Variants in KCNK10 observed in about 807,000 individuals in gnomAD.
KCNK10 encodes the protein potassium two pore domain channel subfamily K member 10.
Under a neutral mutation model 47.7 loss-of-function variants are expected in KCNK10, and 25 were observed. The ratio of observed to expected loss-of-function variants is 0.52; its 90% CI spans 0.38 to 0.73. The LOEUF (loss-of-function observed/expected upper bound fraction) is 0.73. KCNK10 is among the 30% of genes least tolerant of loss of function. KCNK10 has a pLI of 0.00. For synonymous variants in KCNK10, 303 were observed against 285.6 expected (o/e 1.06, Z -0.61); for missense variants, 563 against 714.5 (o/e 0.79, Z 2.42).
intron 3 of KCNK10, among the ~76,000 whole-genome samples, chr14:88,237,086 C>A (rs990002982): frequency 6.6e-6 from 1 of 152,182 alleles, no homozygotes; most frequent in African/African-American, 2.4e-5. Flanking sequence ...CAAACCCTGC[C>A]ACTGCTTTAT....
At chr14:88,310,556 T>C (rs1888306586) in intron 1 of KCNK10, among the ~76,000 whole-genome samples, 1 of 152,178 alleles carries the variant, frequency 6.6e-6, no homozygotes. Context: ...GGCTGTCTGC[T>C]CTGCCTGTCT....
intron 1 of KCNK10, among the ~76,000 whole-genome samples, chr14:88,269,599 A>G (rs1280178464): frequency 1.3e-5 from 2 of 151,934 alleles, no homozygotes; most frequent in African/African-American, 2.4e-5. Context: ...ACCATGCCCA[A>G]CTAATTTTTT....
rs1315347758 is a variant in KCNK10, at chr14:88,188,121, C to G, written c.869-12G>C. The G allele has an allele frequency of 6.2e-7, 1 of 1,613,962 alleles. No homozygotes were observed. Among genetic ancestry groups the G allele is most frequent in the Non-Finnish European group, 8.5e-7 (1 of 1,179,842 alleles). On this transcript the variant is annotated splice_polypyrimidine_tract_variant and intron_variant, in intron 5 of 6. Transcript: ENST00000319231. ...GCCAGCGTTTCCCCCTGAAAACAAC[C>G]AAATGTTACTTTAACCATGATCTAG...
At chr14:88,256,388 CT>C (rs1886955933) in intron 2 of KCNK10, among the ~76,000 whole-genome samples, 1 of 152,188 alleles carries the variant, frequency 6.6e-6, no homozygotes, top group Non-Finnish European at 1.5e-5. Flanking sequence ...CTCAGGTTCT[CT>C]GAAACTGTGC....
At chr14:88,243,051 G>A (rs370185533) in intron 2 of KCNK10, among the ~76,000 whole-genome samples, 7 of 152,298 alleles carry the variant, frequency 4.6e-5, no homozygotes, top group African/African-American at 1.7e-4. Context: ...AAAAGACAAT[G>A]GGGACGATGA....
intron 4 of KCNK10, among the ~76,000 whole-genome samples, chr14:88,203,952 A>C (rs749081657): frequency 3.3e-5 from 5 of 152,246 alleles, no homozygotes; most frequent in Non-Finnish European, 7.3e-5. Context: ...GTGGAGCACC[A>C]GGCATTGGGG....
intron 6 of KCNK10, among the ~76,000 whole-genome samples, 184 bp downstream of exon 6, chr14:88,187,783 A>C (rs922868960): frequency 6.6e-6 from 1 of 152,176 alleles, no homozygotes; most frequent in African/African-American, 2.4e-5. Context: ...ATCCAGAAAT[A>C]ACTGTATTCT....
At chr14:88,212,474 A>G (rs1885493334) in intron 4 of KCNK10, among the ~76,000 whole-genome samples, 1 of 152,104 alleles carries the variant, frequency 6.6e-6, no homozygotes, top group Admixed American at 6.5e-5. Context: ...TATAGATACT[A>G]TGAATTCGGG....
intron 3 of KCNK10, among the ~76,000 whole-genome samples, chr14:88,237,193 C>T (rs747343934): frequency 2.6e-5 from 4 of 152,166 alleles, no homozygotes; most frequent in Non-Finnish European, 4.4e-5. Context: ...CTCAAGAAAT[C>T]ACTTTCTTTG....
chr14:88,238,945 G>C (rs2139887387), intron 3 of KCNK10, among the ~76,000 whole-genome samples: 1 of 152,244 alleles, frequency 6.6e-6, no homozygotes, highest in East Asian at 1.9e-4. Flanking sequence ...TGGTGGAACA[G>C]TCAGAACACA....
At chr14:88,200,125 C>G (rs909792907) in intron 4 of KCNK10, among the ~76,000 whole-genome samples, 1 of 148,186 alleles carries the variant, frequency 6.7e-6, no homozygotes, top group South Asian at 2.1e-4. Context: ...ATATTTATCT[C>G]TCTTTCTTTC....
chr14:88,217,972 C>G (rs1885677739), intron 4 of KCNK10, among the ~76,000 whole-genome samples: 1 of 152,130 alleles, frequency 6.6e-6, no homozygotes, highest in Admixed American at 6.5e-5. Flanking sequence ...ATCTGCCTGC[C>G]TCTGCCTCCC....
chr14:88,197,891 AG>A (rs1305648853), intron 4 of KCNK10, among the ~76,000 whole-genome samples: 2 of 134,334 alleles, frequency 1.5e-5, no homozygotes, highest in African/African-American at 5.3e-5. Context: ...AGAGAGAGAG[AG>A]AGAAGGGGAA....
At chr14:88,307,487 T>C (rs1888228362) in intron 1 of KCNK10, among the ~76,000 whole-genome samples, 1 of 152,170 alleles carries the variant, frequency 6.6e-6, no homozygotes, top group Non-Finnish European at 1.5e-5. Context: ...CTAATGGATA[T>C]GGAGTTTCTT....
intron 1 of KCNK10, among the ~76,000 whole-genome samples, chr14:88,280,713 C>T (rs541449873): frequency 1.3e-5 from 2 of 152,258 alleles, no homozygotes; most frequent in East Asian, 3.9e-4. Flanking sequence ...TCCTGTCCCT[C>T]CCCAATAGTT....
chr14:88,236,915 G>A, intron 3 of KCNK10, among the ~76,000 whole-genome samples: 1 of 152,226 alleles, frequency 6.6e-6, no homozygotes, highest in Non-Finnish European at 1.5e-5. Flanking sequence ...GGCGGTGACT[G>A]TTGAAGGCTG....
At chr14:88,310,205 G>GATATACCATATCATATTGTATATC (rs1888292389) in intron 1 of KCNK10, among the ~76,000 whole-genome samples, 1 of 42,340 alleles carries the variant, frequency 2.4e-5, no homozygotes, top group Non-Finnish European at 6.1e-5. Flanking sequence ...TATGGTATAT[G>GATATACCATATCATATTGTATATC]ATATACCATA....
chr14:88,237,701 C>CT (rs754704626), intron 3 of KCNK10, among the ~76,000 whole-genome samples: 4 of 152,130 alleles, frequency 2.6e-5, no homozygotes, highest in Non-Finnish European at 4.4e-5. Context: ...TGAAAGGAAT[C>CT]TTTTTTCTGA....
At chr14:88,249,473 T>C (rs1886734237) in intron 2 of KCNK10, among the ~76,000 whole-genome samples, 1 of 152,166 alleles carries the variant, frequency 6.6e-6, no homozygotes, top group Admixed American at 6.5e-5. Flanking sequence ...GGGGGTCCCA[T>C]AGGTTGAGTC....
Sources: allele counts gnomAD v4.1 joint callset (sites outside exome capture counted in the v4.1 genomes callset), GRCh38; gene constraint gnomAD v4.1.1; transcripts MANE v1.5; gene names NCBI Gene and HGNC (gene_info 2026-07-23, HGNC 2026-07-21).